Variants in SLIT3 observed in about 807,000 individuals in gnomAD.
The protein encoded by SLIT3 is slit homolog 3 protein.
A neutral mutation model predicts 184.0 loss-of-function variants in SLIT3; 68 were observed. The observed-to-expected ratio is 0.37, with a 90% confidence interval of 0.30 to 0.45. The LOEUF (loss-of-function observed/expected upper bound fraction) is 0.45, where lower values mean the gene tolerates loss of function less well. SLIT3 is among the 20% of genes least tolerant of loss of function. The pLI is 1.00. For missense variants in SLIT3, 1,707 were observed against 2,026.0 expected, an observed-to-expected ratio of 0.84 and a Z score of 3.02; for synonymous variants, 831 against 828.6, an observed-to-expected ratio of 1.00 and a Z score of -0.05.
chr5:168,909,146 A>C (rs922602497), intron 4 of SLIT3, among the ~76,000 whole-genome samples: 20 of 152,240 alleles, frequency 1.3e-4, no homozygotes, highest in African/African-American at 4.6e-4. Context: ...TATGTGAATA[A>C]ACAGCAGCTA....
At chr5:169,140,480 CAAAAAAAAAAAAAAAAA>C (rs34881862) in intron 4 of SLIT3, among the ~76,000 whole-genome samples, 8 of 46,924 alleles carry the variant, frequency 1.7e-4, no homozygotes, top group South Asian at 2.1e-3. Context: ...AACTCTAACT[CAAAAAAAAAAAAAAAAA>C]AAAAAAAAAA....
intron 4 of SLIT3, among the ~76,000 whole-genome samples, chr5:169,176,173 ACTGCT>A (rs1561716093): frequency 2.0e-5 from 3 of 152,120 alleles, no homozygotes; most frequent in Non-Finnish European, 4.4e-5. Context: ...CTCTGCCTTG[ACTGCT>A]CACATGTCTC....
At chr5:168,839,309 G>A (rs755257677) in intron 6 of SLIT3, among the ~76,000 whole-genome samples, 17 of 152,218 alleles carry the variant, frequency 1.1e-4, no homozygotes, top group Admixed American at 2.6e-4. Context: ...GCCACACAGC[G>A]TGTCTTTTCT....
chr5:168,775,567 T>G (rs1186838992), intron 12 of SLIT3, among the ~76,000 whole-genome samples: 1 of 152,158 alleles, frequency 6.6e-6, no homozygotes, highest in African/African-American at 2.4e-5. Flanking sequence ...TCGCAATTTG[T>G]GATTATAGGA....
intron 4 of SLIT3, among the ~76,000 whole-genome samples, chr5:169,009,311 G>A (rs912395871): frequency 2.0e-5 from 3 of 152,160 alleles, no homozygotes; most frequent in African/African-American, 4.8e-5. Context: ...CTGGGTGACC[G>A]TAACTTGGGT....
rs1763120207 is a variant in SLIT3 at position 169,180,518 on chromosome 5, A to G, written c.413+12961T>C. Among the ~76,000 whole-genome samples the G allele has an allele frequency of 3.9e-5, 6 of 152,356 alleles. No individual in the cohort carries two copies. In the South Asian group the frequency reaches 1.0e-3, roughly 26 times the overall value. ...AAGATTACTGAGGTCCTTGAAATCC[A>G]GCCAGAAGGACTGCTGGTCCACGGT... On this transcript the variant is annotated intron_variant, in intron 4 of 35. Coordinates refer to ENST00000519560, the MANE Select transcript of SLIT3 (RefSeq NM_003062.4).
At chr5:168,688,741 G>C (rs982003016) in intron 29 of SLIT3, among the ~76,000 whole-genome samples, 8 of 152,226 alleles carry the variant, frequency 5.3e-5, no homozygotes, top group South Asian at 4.1e-4. Context: ...GAAACACATT[G>C]AGAATGCCTT....
At chr5:169,064,180 T>C (rs564203728) in intron 4 of SLIT3, among the ~76,000 whole-genome samples, 14 of 152,316 alleles carry the variant, frequency 9.2e-5, no homozygotes, top group African/African-American at 3.1e-4. Context: ...TCTGGAATTA[T>C]TAAAACCCTG....
At chr5:168,966,731 C>T (rs1050006296) in intron 4 of SLIT3, among the ~76,000 whole-genome samples, 4 of 152,180 alleles carry the variant, frequency 2.6e-5, no homozygotes, top group Admixed American at 1.3e-4. Context: ...AAGAGAGATG[C>T]AAGTCAGAGT....
chr5:168,854,714 T>C (rs939395176), intron 5 of SLIT3, among the ~76,000 whole-genome samples: 4 of 152,228 alleles, frequency 2.6e-5, no homozygotes, highest in Admixed American at 2.0e-4. Flanking sequence ...GTGACAAGGC[T>C]TGTCTTCCAT....
intron 12 of SLIT3, among the ~76,000 whole-genome samples, chr5:168,779,713 C>T (rs573046336): frequency 2.6e-5 from 4 of 152,304 alleles, no homozygotes; most frequent in South Asian, 2.1e-4. Context: ...ATGCCTGTGT[C>T]GGGATGAGGG....
intron 20 of SLIT3, among the ~76,000 whole-genome samples, chr5:168,728,277 CATATATATAT>C (rs3061738): frequency 4.3e-5 from 6 of 141,014 alleles, no homozygotes; most frequent in African/African-American, 1.3e-4. Flanking sequence ...TAATCAACAA[CATATATATAT>C]ATATATATAT....
At chr5:169,260,475 G>A (rs942221926) in intron 1 of SLIT3, among the ~76,000 whole-genome samples, 2 of 152,158 alleles carry the variant, frequency 1.3e-5, no homozygotes, top group African/African-American at 2.4e-5. Context: ...GCTCACCCAC[G>A]TTAGCTAGTT....
chr5:168,897,642 G>GCA (rs1439490774), intron 4 of SLIT3, among the ~76,000 whole-genome samples: 3 of 19,492 alleles, frequency 1.5e-4, no homozygotes, highest in Non-Finnish European at 5.3e-4. Context: ...GGAGACAGGT[G>GCA]CACGTACACA....
intron 4 of SLIT3, among the ~76,000 whole-genome samples, chr5:169,158,309 G>A (rs1331672443): frequency 3.9e-5 from 6 of 152,112 alleles, no homozygotes; most frequent in African/African-American, 9.7e-5. Flanking sequence ...AGTCCAGAAG[G>A]AAGTGACACA....
chr5:168,842,827 G>A (rs986363886), intron 6 of SLIT3, among the ~76,000 whole-genome samples: 3 of 152,168 alleles, frequency 2.0e-5, no homozygotes, highest in African/African-American at 2.4e-5. Context: ...GGTGACTTCC[G>A]TTTCCTGGTC....
In SLIT3 at chr5:168,752,971, C is replaced by T; in HGVS notation, c.1957G>A (p.Val653Ile). 6.2e-7 allele frequency: 1 copy of T among 1,613,984 alleles called. No individual in the cohort carries two copies. Among genetic ancestry groups the T allele is most frequent in the Non-Finnish European group, 8.5e-7 (1 of 1,179,976 alleles). Reference protein sequence around the residue: ...TITPGAFTTLVSLSTINLLSN... With the variant: ...TITPGAFTTLISLSTINLLSN... ...AGAACTTACATGGTGGACAGGGAGACAAGCGTGGTGAAGGCCCCAGGGGTG... is the reference window on the plus strand; with the variant it reads ...AGAACTTACATGGTGGACAGGGAGATAAGCGTGGTGAAGGCCCCAGGGGTG... Residue 653 changes from valine to isoleucine, a missense_variant, in exon 18 of 36, where the codon GTC (valine) becomes ATC (isoleucine). Transcript: ENST00000519560.
intron 4 of SLIT3, among the ~76,000 whole-genome samples, chr5:169,043,535 T>C (rs1052414228): frequency 6.6e-6 from 1 of 152,228 alleles, no homozygotes; most frequent in Non-Finnish European, 1.5e-5. Flanking sequence ...GTTGGTTAAG[T>C]ATAACTTGAT....
chr5:168,881,687 A>G (rs891590906), intron 5 of SLIT3, among the ~76,000 whole-genome samples: 1 of 152,222 alleles, frequency 6.6e-6, no homozygotes, highest in African/African-American at 2.4e-5. Flanking sequence ...GCATGGAACG[A>G]AATACTAGAA....
Sources: gnomAD v4.1 joint callset for allele counts (sites outside exome capture counted in the v4.1 genomes callset) on GRCh38, gnomAD v4.1.1 for gene constraint, MANE v1.5 for transcripts, NCBI Gene and HGNC (gene_info 2026-07-23, HGNC 2026-07-21) for gene names.